The following ASTN2 variants were observed in gnomAD, a reference collection of about 807,000 sequenced individuals.
The protein encoded by ASTN2 is astrotactin-2.
A neutral mutation model predicts 139.8 loss-of-function variants in ASTN2; 54 were observed. The observed-to-expected ratio is 0.39, with a 90% CI of 0.31 to 0.48. The LOEUF is 0.48. Ranked by LOEUF, ASTN2 falls within the 20% of genes least tolerant of loss-of-function variation. ASTN2 has a pLI of 0.95. For missense variants in ASTN2, 1,565 were observed against 1,725.1 expected (o/e 0.91, Z 1.64); for synonymous variants, 756 against 719.5 (o/e 1.05, Z -0.81).
At chr9:116,594,618 A>T (rs1402231480) in intron 19 of ASTN2, among the ~76,000 whole-genome samples, 1 of 152,118 alleles carries the variant, frequency 6.6e-6, no homozygotes, top group African/African-American at 2.4e-5. Flanking sequence ...TACTCATTGG[A>T]TGTCATTTCC....
At chr9:116,786,952 GC>G (rs1235173891) in intron 13 of ASTN2, among the ~76,000 whole-genome samples, 2 of 152,122 alleles carry the variant, frequency 1.3e-5, no homozygotes, top group Non-Finnish European at 2.9e-5. Flanking sequence ...TTTAAAAGGG[GC>G]TTCCCCTTTC....
At chr9:116,747,874 C>A (rs552406936) in intron 13 of ASTN2, among the ~76,000 whole-genome samples, 2 of 152,170 alleles carry the variant, frequency 1.3e-5, no homozygotes, top group Non-Finnish European at 2.9e-5. Context: ...CTAACTCCTG[C>A]CCTGGTAATT....
At chr9:116,616,976 CAA>C (rs1394700466) in intron 19 of ASTN2, among the ~76,000 whole-genome samples, 2 of 152,142 alleles carry the variant, frequency 1.3e-5, no homozygotes, top group African/African-American at 2.4e-5. Context: ...TCAGAATTAA[CAA>C]AGTTTGAAAG....
intron 11 of ASTN2, among the ~76,000 whole-genome samples, chr9:116,861,947 C>A (rs1009747962): frequency 7.3e-5 from 11 of 150,694 alleles, no homozygotes; most frequent in African/African-American, 2.7e-4. Flanking sequence ...TCCAGACTTC[C>A]ACTTAAGCCA....
rs1855956323 is a variant in ASTN2, at chr9:116,618,353, T to C, written c.3326A>G (p.Asp1109Gly). Residue 1109 changes from aspartate to glycine, a missense_variant, in exon 19 of 23, where the codon GAT becomes GGT. Physicochemically the swap from Asp to Gly is moderately conservative, Grantham distance 94. Transcript: ENST00000313400. ...SDYILQHKKV[D>G]EYTDTDLYTG... ...GTACAGGTCAGTGTCTGTGTATTCA[T>C]CCACTTTCTTATGCTGCAGAATATA... 1.9e-6 allele frequency: 3 copies of C among 1,614,144 alleles called. No homozygotes were observed. Among genetic ancestry groups the C allele is most frequent in the Non-Finnish European group, 2.5e-6 (3 of 1,179,984 alleles).
intron 10 of ASTN2, among the ~76,000 whole-genome samples, chr9:116,925,579 G>A (rs1255849771): frequency 1.3e-5 from 2 of 152,076 alleles, no homozygotes; most frequent in African/African-American, 4.8e-5. Flanking sequence ...ATACGATAAA[G>A]GAAGCTTGGG....
intron 17 of ASTN2, among the ~76,000 whole-genome samples, chr9:116,632,036 C>A (rs1422027057): frequency 1.3e-5 from 2 of 151,094 alleles, no homozygotes; most frequent in Non-Finnish European, 2.9e-5. Context: ...GTCGCTTGAA[C>A]CCAGGAGGTG....
At chr9:116,862,679 C>T (rs1013697204) in intron 11 of ASTN2, among the ~76,000 whole-genome samples, 11 of 150,972 alleles carry the variant, frequency 7.3e-5, no homozygotes, top group Admixed American at 4.6e-4. Flanking sequence ...TGAAATGAAG[C>T]GATAAGAGAT....
chr9:116,830,258 G>T (rs2132283779), intron 11 of ASTN2, among the ~76,000 whole-genome samples: 1 of 152,214 alleles, frequency 6.6e-6, no homozygotes, highest in Admixed American at 6.5e-5. Flanking sequence ...TCAGCAGAGA[G>T]ATGCAAATCA....
At chr9:116,905,362 G>A (rs1299877537) in intron 10 of ASTN2, among the ~76,000 whole-genome samples, 2 of 152,166 alleles carry the variant, frequency 1.3e-5, no homozygotes, top group African/African-American at 2.4e-5. Context: ...AAAAGGAGAC[G>A]AAGGGCCTGA....
chr9:117,105,126 C>A (rs1829071658), intron 4 of ASTN2, among the ~76,000 whole-genome samples: 1 of 152,126 alleles, frequency 6.6e-6, no homozygotes, highest in South Asian at 2.1e-4. Flanking sequence ...CTTCGCCACA[C>A]CCCCATCAAA....
At chr9:116,981,065 G>C (rs146209683) in intron 7 of ASTN2, among the ~76,000 whole-genome samples, 15 of 152,230 alleles carry the variant, frequency 9.9e-5, no homozygotes, top group African/African-American at 3.6e-4. Flanking sequence ...TACAGAGTAG[G>C]GATTCAGTAA....
chr9:116,481,095 A>G (rs1272878114), intron 20 of ASTN2, among the ~76,000 whole-genome samples: 5 of 152,200 alleles, frequency 3.3e-5, no homozygotes, highest in Non-Finnish European at 2.9e-5. Context: ...TATAGATAAA[A>G]AACTGAAGCA....
chr9:117,414,365 C>G lies in ASTN2; in HGVS notation c.442+132G>C, dbSNP rs1400516302. 7.1e-7 allele frequency: 1 copy of G among 1,399,784 alleles called. No homozygotes were observed. 86.7% of individuals were successfully genotyped at this position (1,399,784 alleles called of 1,614,324 possible). A position where few individuals can be genotyped will look rare whatever the true frequency, so the allele number is the denominator to read the frequency against. The stretch of plus-strand genomic sequence containing the variant: ...CAACCACCTGTGCGACCTCTGGGCC[C>G]CTCCTCTACCCTCTGCCAACCCCAC... On this transcript the variant is annotated intron_variant, in intron 1 of 22. Transcript: ENST00000313400. The surrounding 1 kb of genome is among the most constrained non-coding windows in gnomAD (Gnocchi z 4.2).
At chr9:117,129,578 T>C (rs1829781736) in intron 4 of ASTN2, among the ~76,000 whole-genome samples, 1 of 152,220 alleles carries the variant, frequency 6.6e-6, no homozygotes, top group Non-Finnish European at 1.5e-5. Flanking sequence ...ATATCTTTAA[T>C]AGTGTAGTTA....
intron 4 of ASTN2, among the ~76,000 whole-genome samples, chr9:117,139,267 G>A (rs145864099): frequency 1.6e-4 from 25 of 152,306 alleles, no homozygotes; most frequent in African/African-American, 6.0e-4. Flanking sequence ...TTCCAAGGTG[G>A]TCTACATTCA....
At chr9:117,019,672 T>A (rs1334098581) in intron 6 of ASTN2, among the ~76,000 whole-genome samples, 1 of 152,132 alleles carries the variant, frequency 6.6e-6, no homozygotes, top group Non-Finnish European at 1.5e-5. Context: ...TTCTGGTATA[T>A]GTCGCATGAA....
In ASTN2 at chr9:117,060,485, GAATGA is replaced by G. The variant is rs1564406759; in HGVS notation, c.1277-20525_1277-20521del. 2.0e-4 allele frequency among the ~76,000 whole-genome samples: 16 copies of G among 78,560 alleles called. 2 individuals carry two copies. Among genetic ancestry groups the G allele is most frequent in the Non-Finnish European group, 3.5e-4 (14 of 40,080 alleles). 51.5% of individuals were successfully genotyped at this position (78,560 alleles called of 152,430 possible). ...GGAAGGAAGGAAGGAAGGAAGGAAG[GAATGA>G]AAGAAAGAAAGAAAGAAAGAAAGGA... On this transcript the variant is annotated intron_variant, in intron 5 of 22. Coordinates refer to ENST00000313400, the MANE Select transcript of ASTN2 (RefSeq NM_001365068.1).
chr9:117,259,845 TAA>T (rs1452425069), intron 2 of ASTN2, among the ~76,000 whole-genome samples: 1 of 152,110 alleles, frequency 6.6e-6, no homozygotes, highest in Non-Finnish European at 1.5e-5. Context: ...CTAGGCAAAA[TAA>T]AGATTCTAAA....
Sources: gnomAD v4.1 joint callset for allele counts (sites outside exome capture counted in the v4.1 genomes callset) on GRCh38, gnomAD v4.1.1 for gene constraint, Gnocchi (gnomAD v3.1) non-coding constraint, MANE v1.5 for transcripts, NCBI Gene and HGNC (gene_info 2026-07-23, HGNC 2026-07-21) for gene names.